ATXN10: variants seen among roughly 807,000 people sequenced by gnomAD.
ATXN10 encodes the protein ataxin-10.
A neutral mutation model predicts 52.9 loss-of-function variants in ATXN10; 28 were observed. The observed-to-expected ratio is 0.53, with a 90% CI of 0.39 to 0.73. The LOEUF is 0.73. ATXN10 is among the 30% of genes least tolerant of loss of function. The probability of loss-of-function intolerance (pLI) is 0.00; values close to 1 mark genes in which losing one functional copy is unlikely to be tolerated. For synonymous variants in ATXN10, 226 were observed against 221.5 expected, an observed-to-expected ratio of 1.02 and a Z score of -0.18; for missense variants, 565 against 577.0, an observed-to-expected ratio of 0.98 and a Z score of 0.21.
Position 45,772,459 on chromosome 22 carries a change from A to C in ATXN10, c.1173+31921A>C, listed in dbSNP as rs567662476. Among the ~76,000 whole-genome samples the C allele has an allele frequency of 6.6e-6, 1 of 152,152 alleles. No individual in the cohort carries two copies. Among genetic ancestry groups the C allele is most frequent in the African/African-American group, 2.4e-5 (1 of 41,428 alleles). ...GTGCCTGTCTCTTCACCATTACAAC[A>C]TTGTCTTTATTACTGTCAATTTACA... is the stretch of plus-strand genomic sequence containing the variant. On this transcript the variant is annotated intron_variant, in intron 9 of 11. Transcript: ENST00000252934. This position sits in a 1 kb window ranked among gnomAD's most constrained non-coding sequence, Gnocchi z 4.1.
At chr22:45,735,430 C>A (rs1925256212) in intron 7 of ATXN10, among the ~76,000 whole-genome samples, 1 of 151,702 alleles carries the variant, frequency 6.6e-6, no homozygotes, top group African/African-American at 2.4e-5. Context: ...ATCCTAAATT[C>A]TTTTATTTAT....
chr22:45,822,974 T>A (rs1569078638), intron 10 of ATXN10: 1 of 193,034 alleles, frequency 5.2e-6, no homozygotes, highest in Non-Finnish European at 1.1e-5. Context: ...ATAAAAATTA[T>A]TTGTTCAGTT....
At chr22:45,713,278 A>G (rs1047907234) in intron 5 of ATXN10, among the ~76,000 whole-genome samples, 1 of 152,188 alleles carries the variant, frequency 6.6e-6, no homozygotes, top group Non-Finnish European at 1.5e-5. Context: ...GTACTTTAAA[A>G]TCAATCATAA....
chr22:45,800,435 C>T (rs908056459), intron 9 of ATXN10, among the ~76,000 whole-genome samples: 12 of 152,190 alleles, frequency 7.9e-5, no homozygotes, highest in African/African-American at 2.7e-4. Context: ...CTGCCTAAAA[C>T]GGCTGACAAC....
chr22:45,680,686 A>T (rs1922885278), intron 1 of ATXN10, among the ~76,000 whole-genome samples: 1 of 149,622 alleles, frequency 6.7e-6, no homozygotes, highest in African/African-American at 2.5e-5. Context: ...CTGGTCTTGA[A>T]CTCCTGGGCT....
intron 10 of ATXN10, among the ~76,000 whole-genome samples, chr22:45,817,022 A>G (rs888407535): frequency 6.6e-6 from 1 of 152,174 alleles, no homozygotes; most frequent in African/African-American, 2.4e-5. Context: ...AAAGATAGCA[A>G]TGAATTTCCA....
Position 45,772,474 on chromosome 22 carries a change from G to A in ATXN10, c.1173+31936G>A, listed in dbSNP as rs983781806. Among the ~76,000 whole-genome samples the A allele has an allele frequency of 2.0e-5, 3 of 152,080 alleles. No homozygotes were observed. Among genetic ancestry groups the A allele is most frequent in the African/African-American group, 4.8e-5 (2 of 41,386 alleles). On this transcript the variant is annotated intron_variant, in intron 9 of 11. Transcript: ENST00000252934. This position sits in a 1 kb window ranked among gnomAD's most constrained non-coding sequence, Gnocchi z 4.1. ...CCATTACAACATTGTCTTTATTACTGTCAATTTACAGTAAATCTTAAAATT... is the reference window on the plus strand; with the variant it reads ...CCATTACAACATTGTCTTTATTACTATCAATTTACAGTAAATCTTAAAATT...
At position 45,824,281 on chromosome 22, in the gene ATXN10, C is replaced by G. The variant is rs189774947; in HGVS notation, c.1237+17259C>G. On this transcript the variant is annotated intron_variant, in intron 10 of 11. Transcript: ENST00000252934. This position sits in a 1 kb window ranked among gnomAD's most constrained non-coding sequence, Gnocchi z 5.2. ...TCTACATTTGGCCAACTCCTACTCACCTTTGAGTTTGATTTAAATATTATT... is the reference window on the plus strand; with the variant it reads ...TCTACATTTGGCCAACTCCTACTCAGCTTTGAGTTTGATTTAAATATTATT... 6.6e-6 allele frequency among the ~76,000 whole-genome samples: 1 copy of G among 152,258 alleles called. No homozygotes were observed. Among genetic ancestry groups the G allele is most frequent in the African/African-American group, 2.4e-5 (1 of 41,544 alleles).
Position 45,712,080 on chromosome 22 carries a change from G to GA in ATXN10, c.648-6332dup, listed in dbSNP as rs1270480842. On this transcript the variant is annotated intron_variant, in intron 5 of 11. Coordinates refer to ENST00000252934, the MANE Select transcript of ATXN10 (RefSeq NM_013236.4). This position sits in a 1 kb window ranked among gnomAD's most constrained non-coding sequence, Gnocchi z 4.6. ...ATTAGAAACAAAGAGGTAATAACCA[G>GA]ATGGATGTTTTTGAGGCATGCAAGT... is the stretch of plus-strand genomic sequence containing the variant. Among the ~76,000 whole-genome samples, 1 of 152,208 alleles carries GA rather than the reference G, an allele frequency of 6.6e-6. No individual in the cohort carries two copies. The highest frequency in any genetic ancestry group is 1.5e-5 in the Non-Finnish European group (1 of 68,032).
rs1483398186 is a variant in ATXN10, at chr22:45,684,873, AT to A, written c.117-4838del. Among the ~76,000 whole-genome samples the A allele has an allele frequency of 6.6e-6, 1 of 152,174 alleles. No homozygotes were observed. Among genetic ancestry groups the A allele is most frequent in the African/African-American group, 2.4e-5 (1 of 41,436 alleles). On this transcript the variant is annotated intron_variant, in intron 1 of 11. Transcript: ENST00000252934. The surrounding 1 kb of genome is among the most constrained non-coding windows in gnomAD (Gnocchi z 4.1). ...TGTTTTTATTTTCTGTTTTTGTTCA[AT>A]CCTGCCCAGTCAAATCAGCAAGATT...
chr22:45,757,566 T>C lies in ATXN10; in HGVS notation c.1173+17028T>C, dbSNP rs1417421927. ...GGTTCTTTCTCTGTATTCTCTAAGA[T>C]AGATTTGTTCTTAATCTTGAAAAAT... On this transcript the variant is annotated intron_variant, in intron 9 of 11. Coordinates refer to ENST00000252934, the MANE Select transcript of ATXN10 (RefSeq NM_013236.4). The surrounding 1 kb of genome is among the most constrained non-coding windows in gnomAD (Gnocchi z 4.6). Among the ~76,000 whole-genome samples the C allele has an allele frequency of 1.3e-5, 2 of 151,984 alleles. No individual in the cohort carries two copies. The highest frequency in any genetic ancestry group is 4.8e-5 in the African/African-American group (2 of 41,380).
chr22:45,843,906 C>A lies in ATXN10; in HGVS notation c.*235C>A. ...TTTGCCTTTGTCCCCCTGGATAGAA[C>A]GTGCATTTAAAGAATATATTGTACT... On this transcript the variant is annotated 3_prime_UTR_variant, in exon 12 of 12. Transcript: ENST00000252934. The surrounding 1 kb of genome is among the most constrained non-coding windows in gnomAD (Gnocchi z 4.5). The A allele has an allele frequency of 1.7e-6, 1 of 576,206 alleles. No individual in the cohort carries two copies. The highest frequency in any genetic ancestry group is 2.1e-5 in the South Asian group (1 of 48,028). The allele number at this position is 576,206 out of a possible 1,614,324, so 35.7% of individuals were successfully genotyped here. A position where few individuals can be genotyped will look rare whatever the true frequency, so the allele number is the denominator to read the frequency against.
intron 5 of ATXN10, among the ~76,000 whole-genome samples, chr22:45,716,150 A>G (rs1406120928): frequency 6.6e-6 from 1 of 152,062 alleles, no homozygotes; most frequent in African/African-American, 2.4e-5. Context: ...GTGTAGTTCT[A>G]TCTACTTGAG....
In ATXN10 at chr22:45,770,287, A is replaced by C. The variant is rs1926730640; in HGVS notation, c.1173+29749A>C. ...ATGTGGGTTGCATCCCAATAACGAG[A>C]TACGAAATGAATTCTTTGGTCATAG... On this transcript the variant is annotated intron_variant, in intron 9 of 11. Coordinates refer to ENST00000252934, the MANE Select transcript of ATXN10 (RefSeq NM_013236.4). This position sits in a 1 kb window ranked among gnomAD's most constrained non-coding sequence, Gnocchi z 4.5. Among the ~76,000 whole-genome samples the C allele has an allele frequency of 6.6e-6, 1 of 152,214 alleles. No individual in the cohort carries two copies. Among genetic ancestry groups the C allele is most frequent in the African/African-American group, 2.4e-5 (1 of 41,456 alleles).
In ATXN10 at chr22:45,783,940, T is replaced by C. The variant is rs9985199; in HGVS notation, c.1174-23019T>C. On this transcript the variant is annotated intron_variant, in intron 9 of 11. Coordinates refer to ENST00000252934, the MANE Select transcript of ATXN10 (RefSeq NM_013236.4). This position sits in a 1 kb window ranked among gnomAD's most constrained non-coding sequence, Gnocchi z 5.0. ...TGAGAGTTTGGCACTTGAGATGTCTTCCTAGGTCTGCTGAGGCTGGCGGCC... is the reference window on the plus strand; with the variant it reads ...TGAGAGTTTGGCACTTGAGATGTCTCCCTAGGTCTGCTGAGGCTGGCGGCC... Among the ~76,000 whole-genome samples the C allele has an allele frequency of 0.011, 1,726 of 152,242 alleles. 39 individuals carry two copies. Among genetic ancestry groups the C allele is most frequent in the African/African-American group, 0.04 (1,648 of 41,544 alleles).
chr22:45,773,985 G>A (rs369236982), intron 9 of ATXN10, among the ~76,000 whole-genome samples: 172 of 152,342 alleles, frequency 1.1e-3, no homozygotes, highest in Non-Finnish European at 1.9e-3. Flanking sequence ...TCCTGTCTGG[G>A]TAGAGAGAAT....
At chr22:45,720,062 T>TA (rs1352870063) in intron 6 of ATXN10, among the ~76,000 whole-genome samples, 2 of 152,240 alleles carry the variant, frequency 1.3e-5, no homozygotes, top group African/African-American at 4.8e-5. Context: ...AGTGTTCCTC[T>TA]AGTATATTGA....
intron 1 of ATXN10, among the ~76,000 whole-genome samples, chr22:45,682,763 G>A (rs1922979447): frequency 6.6e-6 from 1 of 152,134 alleles, no homozygotes; most frequent in African/African-American, 2.4e-5. Flanking sequence ...TATGGCTCAG[G>A]CTAAAGTTTT....
chr22:45,698,207 G>A (rs930521271), intron 3 of ATXN10, among the ~76,000 whole-genome samples: 22 of 152,162 alleles, frequency 1.4e-4, no homozygotes, highest in African/African-American at 4.6e-4. Flanking sequence ...CTTACCATTT[G>A]AGGAGCTGTC....
Sources: allele counts gnomAD v4.1 joint callset (sites outside exome capture counted in the v4.1 genomes callset), GRCh38; gene constraint gnomAD v4.1.1; non-coding constraint Gnocchi (gnomAD v3.1); transcripts MANE v1.5; gene names NCBI Gene and HGNC (gene_info 2026-07-23, HGNC 2026-07-21).